Variants in MYOF observed in about 807,000 individuals in gnomAD.
MYOF encodes the protein fer-1-like 3, myoferlin.
Under a neutral mutation model 284.2 loss-of-function variants are expected in MYOF, and 244 were observed. The ratio of observed to expected loss-of-function variants is 0.86; its 90% confidence interval spans 0.77 to 0.95. MYOF has a LOEUF of 0.95. MYOF is among the 40% of genes least tolerant of loss of function. The pLI, the probability that MYOF is intolerant of heterozygous loss-of-function variation, is 0.00. For synonymous variants in MYOF, 904 were observed against 919.7 expected (o/e 0.98, Z 0.31); for missense variants, 2,496 against 2,560.6 (o/e 0.97, Z 0.54).
intron 1 of MYOF, among the ~76,000 whole-genome samples, chr10:93,478,836 A>AGAAAGAAAGAAAGAAAGAAAGAAAG (rs200937397): frequency 3.7e-4 from 22 of 58,920 alleles, no homozygotes; most frequent in Admixed American, 6.4e-4. Context: ...AAAAAAAAAA[A>AGAAAGAAAGAAAGAAAGAAAGAAAG]AAAAAAAGAA....
At chr10:93,369,867 T>G in intron 24 of MYOF, 91 bp from the exon 25 acceptor site, 1 of 1,481,608 alleles carries the variant, frequency 6.7e-7, no homozygotes. Context: ...GAACATCTAA[T>G]CATTGCTTTC....
At chr10:93,478,144 ATT>A in intron 1 of MYOF, 1 of 12,480 alleles carries the variant, frequency 8.0e-5, no homozygotes, top group Non-Finnish European at 2.8e-4. Flanking sequence ...AATTAAAAAT[ATT>A]ATATTATTTA....
intron 17 of MYOF, among the ~76,000 whole-genome samples, chr10:93,391,302 T>C: frequency 6.6e-6 from 1 of 152,152 alleles, no homozygotes; most frequent in East Asian, 1.9e-4. Context: ...GGATAACCCA[T>C]TCTCTAGGCC....
At chr10:93,333,990 G>T in intron 41 of MYOF, 77 bp from the exon 42 acceptor site, 1 of 1,440,864 alleles carries the variant, frequency 6.9e-7, no homozygotes, top group Non-Finnish European at 9.4e-7. Flanking sequence ...CCCCTCCTCC[G>T]CCAGGGGTGT....
At chr10:93,386,890 C>A (rs910596703) in intron 19 of MYOF, among the ~76,000 whole-genome samples, 1 of 152,114 alleles carries the variant, frequency 6.6e-6, no homozygotes, top group Non-Finnish European at 1.5e-5. Flanking sequence ...GGCAGTTGGG[C>A]CTGGACTCAG....
At chr10:93,384,428 A>T (rs1340808264) in intron 19 of MYOF, among the ~76,000 whole-genome samples, 1 of 152,168 alleles carries the variant, frequency 6.6e-6, no homozygotes, top group Non-Finnish European at 1.5e-5. Context: ...GGATTACCTG[A>T]GGTCAGGAGT....
intron 3 of MYOF, among the ~76,000 whole-genome samples, chr10:93,435,628 C>T (rs1443824365): frequency 6.6e-6 from 1 of 152,116 alleles, no homozygotes; most frequent in Non-Finnish European, 1.5e-5. Flanking sequence ...ATATGTGATG[C>T]TTTCTATATA....
intron 5 of MYOF, among the ~76,000 whole-genome samples, chr10:93,415,471 C>T (rs1848078104): frequency 6.6e-6 from 1 of 152,242 alleles, no homozygotes; most frequent in South Asian, 2.1e-4. Flanking sequence ...CACTAATTAA[C>T]CAGCACAGTC....
chr10:93,408,936 G>T (rs767174729), intron 6 of MYOF, 21 bp from the exon 7 acceptor site: 8 of 1,613,284 alleles, frequency 5.0e-6, no homozygotes, highest in Middle Eastern at 1.7e-4. Context: ...GAAGGGGGAT[G>T]GTTACCCAAC....
intron 3 of MYOF, among the ~76,000 whole-genome samples, chr10:93,431,750 T>TC (rs1468858620): frequency 2.0e-5 from 3 of 149,648 alleles, no homozygotes; most frequent in East Asian, 2.0e-4. Flanking sequence ...TCTTTTCTTT[T>TC]TTTTTTTTTT....
intron 29 of MYOF, among the ~76,000 whole-genome samples, chr10:93,357,224 A>G (rs922459110): frequency 6.6e-6 from 1 of 152,258 alleles, no homozygotes; most frequent in African/African-American, 2.4e-5. Flanking sequence ...GTAAAACATT[A>G]GTATCTCCAT....
chr10:93,379,046 A>G (rs760175422), intron 21 of MYOF, among the ~76,000 whole-genome samples: 9 of 152,014 alleles, frequency 5.9e-5, no homozygotes, highest in Non-Finnish European at 1.3e-4. Flanking sequence ...CTTAATTAGA[A>G]ATATCACAGA....
At chr10:93,361,189 C>T (rs1229054710) in intron 28 of MYOF, among the ~76,000 whole-genome samples, 4 of 152,142 alleles carry the variant, frequency 2.6e-5, no homozygotes, top group Non-Finnish European at 5.9e-5. Flanking sequence ...CAATAGGGTT[C>T]GCACTCTTAG....
Position 93,452,122 on chromosome 10 carries a change from C to T in MYOF, c.164G>A (p.Arg55Lys). 6.2e-7 allele frequency: 1 copy of T among 1,609,614 alleles called. No homozygotes were observed. The highest frequency in any genetic ancestry group is 8.5e-7 in the Non-Finnish European group (1 of 1,178,966). Reference sequence around the variant, plus strand: ...AGATGAAAAGTCCAGTGGTATACCCCTCAAGTCAAACTCCAAAATCTGTTC... The same window carrying T: ...AGATGAAAAGTCCAGTGGTATACCCTTCAAGTCAAACTCCAAAATCTGTTC... ...VWNEILEFDL[R>K]GIPLDFSSSL... The change falls in exon 3 of 54, where the codon AGG becomes AAG. Residue 55 changes from arginine (R) to lysine (K), a missense_variant. By Grantham distance (26) the Arg-to-Lys change is conservative. Transcript: ENST00000359263.
intron 3 of MYOF, among the ~76,000 whole-genome samples, chr10:93,445,814 CAA>C (rs2056412592): frequency 6.6e-6 from 1 of 152,200 alleles, no homozygotes; most frequent in South Asian, 2.1e-4. Context: ...ACAGGAAAGT[CAA>C]CAGGCAGGAC....
intron 50 of MYOF, among the ~76,000 whole-genome samples, chr10:93,316,128 T>TA (rs375304281): frequency 2.0e-5 from 3 of 150,992 alleles, no homozygotes; most frequent in African/African-American, 4.9e-5. Context: ...TCTCCAAAAA[T>TA]AAAAAAATAA....
intron 3 of MYOF, among the ~76,000 whole-genome samples, chr10:93,440,619 A>G (rs1371285409): frequency 6.6e-6 from 1 of 152,206 alleles, no homozygotes. Context: ...CCCAGTGTCT[A>G]GAGCTGTGTC....
At chr10:93,412,981 C>T (rs749794891) in intron 5 of MYOF, among the ~76,000 whole-genome samples, 11 of 152,094 alleles carry the variant, frequency 7.2e-5, no homozygotes, top group Non-Finnish European at 7.3e-5. Context: ...GCAGCGAAGA[C>T]GAACTTCCTT....
Position 93,351,814 on chromosome 10 carries a change from T to A in MYOF, c.3514A>T (p.Ser1172Cys). Residue 1172 changes from serine (S) to cysteine (C), a missense_variant, in exon 33 of 54, where the codon AGC becomes TGC. By Grantham distance (112) the Ser-to-Cys change is moderately radical. Coordinates refer to ENST00000359263, the MANE Select transcript of MYOF (RefSeq NM_013451.4). ...PYAHICFLHR[S>C]KTTEIIHSTL... ...GAATGGATGATCTCAGTGGTTTTGC[T>A]CCGATGGAGGAAACAGATATGAGCA... is the stretch of plus-strand genomic sequence containing the variant. The A allele has an allele frequency of 1.3e-6, 2 of 1,587,268 alleles. No homozygotes were observed. Among genetic ancestry groups the A allele is most frequent in the Admixed American group, 4.0e-5 (2 of 49,584 alleles).
Sources: gnomAD v4.1 joint callset for allele counts (sites outside exome capture counted in the v4.1 genomes callset) on GRCh38, gnomAD v4.1.1 for gene constraint, MANE v1.5 for transcripts, NCBI Gene and HGNC (gene_info 2026-07-23, HGNC 2026-07-21) for gene names.